The following C2orf49 variants were observed in gnomAD, a reference collection of about 807,000 sequenced individuals.
The protein encoded by C2orf49 is tRNA-splicing ligase complex subunit ASW.
A neutral mutation model predicts 20.6 loss-of-function variants in C2orf49; 11 were observed. That is an observed-to-expected ratio of 0.53 (90% confidence interval 0.34 to 0.88). The LOEUF (loss-of-function observed/expected upper bound fraction) is 0.88, where lower values mean the gene tolerates loss of function less well. C2orf49 is among the 40% of genes least tolerant of loss of function. The pLI, the probability that C2orf49 is intolerant of heterozygous loss-of-function variation, is 0.02. For missense variants in C2orf49, 289 were observed against 274.2 expected, an observed-to-expected ratio of 1.05 and a Z score of -0.38; for synonymous variants, 134 against 108.5, an observed-to-expected ratio of 1.24 and a Z score of -1.46.
chr2:105,342,709 A>C (rs1235662286), intron 2 of C2orf49, 139 bp from the exon 3 acceptor site: 1 of 775,778 alleles, frequency 1.3e-6, no homozygotes, highest in Non-Finnish European at 2.0e-6. Flanking sequence ...GAATGAACAT[A>C]GAAAATTTCA....
At position 105,343,098 on chromosome 2, in the gene C2orf49, C is replaced by A. The variant is rs1281036698; in HGVS notation, c.517C>A (p.Gln173Lys). The A allele has an allele frequency of 1.2e-6, 2 of 1,614,232 alleles. No individual in the cohort carries two copies. The highest frequency in any genetic ancestry group is 1.1e-5 in the South Asian group (1 of 91,090). ...GGAACACAATAATAATGACGCTAAA[C>A]AGAACCATGACTTAACGCATAGGAA... ...KTEHNNNDAK[Q>K]NHDLTHRKSP... is the part of the protein sequence containing the mutation. Residue 173 changes from glutamine to lysine, a missense_variant, in exon 3 of 4, where the codon CAG (glutamine) becomes AAG (lysine). By Grantham distance (53) the Gln-to-Lys change is moderately conservative. Transcript: ENST00000258457.
the C2orf49 span, chr2:105,373,476 TC>T: frequency 1.2e-3 from 1,728 of 1,474,266 alleles, 22 homozygotes; most frequent in Admixed American, 0.028. Flanking sequence ...TGGAACCAAG[TC>T]AATGTGAACA....
the C2orf49 span, chr2:105,367,844 G>GCAAGC: frequency 8.6e-7 from 1 of 1,166,050 alleles, no homozygotes; most frequent in Non-Finnish European, 1.2e-6. Context: ...TATGACCAGA[G>GCAAGC]CAAGCCACTT....
chr2:105,351,791 A>G (rs542634868), downstream of C2orf49, among the ~76,000 whole-genome samples: 23 of 152,212 alleles, frequency 1.5e-4, no homozygotes, highest in Non-Finnish European at 2.5e-4. Context: ...GGTACTAAGT[A>G]TGCTGATTGC....
chr2:105,355,770 T>TGTGTGTGTGTGTGTGTGTGTG, the C2orf49 span, among the ~76,000 whole-genome samples: 3 of 143,112 alleles, frequency 2.1e-5, no homozygotes, highest in Non-Finnish European at 4.5e-5. Context: ...AGAAAAAATT[T>TGTGTGTGTGTGTGTGTGTGTG]TGTGTGTGTG....
intron 1 of C2orf49, 36 bp from the exon 2 acceptor site, chr2:105,339,547 A>G (rs2104444572): frequency 6.4e-7 from 1 of 1,568,176 alleles, no homozygotes; most frequent in Non-Finnish European, 8.6e-7. Context: ...AATTAAAAAC[A>G]TTGTTTTGAA....
chr2:105,352,036 A>G (rs1048082228), downstream of C2orf49, among the ~76,000 whole-genome samples: 2 of 152,164 alleles, frequency 1.3e-5, no homozygotes, highest in Admixed American at 6.5e-5. Context: ...AGTGAGAAAC[A>G]TGGCTCCTAC....
the C2orf49 span, among the ~76,000 whole-genome samples, chr2:105,371,680 G>A: frequency 6.6e-6 from 1 of 152,044 alleles, no homozygotes; most frequent in Admixed American, 6.6e-5. Flanking sequence ...TCAAAATCCG[G>A]GAAATATGCA....
At chr2:105,340,899 G>A (rs934342133) in intron 2 of C2orf49, among the ~76,000 whole-genome samples, 4 of 152,134 alleles carry the variant, frequency 2.6e-5, no homozygotes, top group African/African-American at 9.7e-5. Flanking sequence ...GAGGGTAGGG[G>A]TAAAGGGGAG....
At chr2:105,365,692 A>T in the C2orf49 span, among the ~76,000 whole-genome samples, 1 of 150,726 alleles carries the variant, frequency 6.6e-6, no homozygotes, top group Non-Finnish European at 1.5e-5. Context: ...AAAAAAAAAA[A>T]TTAGGTGGGT....
the C2orf49 span, among the ~76,000 whole-genome samples, chr2:105,380,485 T>C: frequency 6.6e-6 from 1 of 152,174 alleles, no homozygotes; most frequent in Admixed American, 6.5e-5. Context: ...TGCCTCAGCC[T>C]CCCAAAGTGC....
At chr2:105,380,663 C>T in the C2orf49 span, among the ~76,000 whole-genome samples, 2 of 152,260 alleles carry the variant, frequency 1.3e-5, no homozygotes, top group South Asian at 2.1e-4. Context: ...ACAGAGATAG[C>T]ACTTCGATGC....
the C2orf49 span, among the ~76,000 whole-genome samples, chr2:105,369,213 G>A: frequency 1.3e-5 from 2 of 152,208 alleles, no homozygotes; most frequent in African/African-American, 4.8e-5. Context: ...CAAGCCGACA[G>A]AGGGACTGCC....
chr2:105,356,511 G>C, the C2orf49 span, among the ~76,000 whole-genome samples: 1 of 152,120 alleles, frequency 6.6e-6, no homozygotes, highest in African/African-American at 2.4e-5. Context: ...GAAGTTCAAG[G>C]TTACAGTGAG....
chr2:105,378,011 A>G, the C2orf49 span: 7 of 463,926 alleles, frequency 1.5e-5, no homozygotes, highest in Non-Finnish European at 2.7e-5. Context: ...AGAAAAACTG[A>G]GAGAGAAATC....
chr2:105,384,475 A>T, the C2orf49 span, among the ~76,000 whole-genome samples: 1 of 151,980 alleles, frequency 6.6e-6, no homozygotes, highest in Non-Finnish European at 1.5e-5. Flanking sequence ...TACTAGAAAG[A>T]CCCTATGAAG....
At chr2:105,354,600 A>T in the C2orf49 span, among the ~76,000 whole-genome samples, 1 of 152,102 alleles carries the variant, frequency 6.6e-6, no homozygotes, top group African/African-American at 2.4e-5. Context: ...CTGGAGGCAG[A>T]GGTTGCAGTG....
Position 105,337,612 on chromosome 2 carries a change from A to G in C2orf49, c.25A>G (p.Ser9Gly), listed in dbSNP as rs1679535929. ...CATGGCGGGGGATGTGGGCGGTCGC[A>G]GCTGCACGGACTCGGAACTGCTGCT... The part of the protein sequence containing the change: MAGDVGGR[S>G]CTDSELLLHP... Residue 9 changes from serine to glycine, a missense_variant, in exon 1 of 4, where the codon AGC (serine) becomes GGC (glycine). Transcript: ENST00000258457. 1 of 1,609,884 alleles carries G rather than the reference A, an allele frequency of 6.2e-7. No homozygotes were observed. The highest frequency in any genetic ancestry group is 8.5e-7 in the Non-Finnish European group (1 of 1,178,314).
the C2orf49 span, among the ~76,000 whole-genome samples, chr2:105,383,396 A>T: frequency 6.6e-6 from 1 of 152,198 alleles, no homozygotes; most frequent in African/African-American, 2.4e-5. Flanking sequence ...AATAATCTTT[A>T]CCCTTTGAGA....
Sources: allele counts gnomAD v4.1 joint callset (sites outside exome capture counted in the v4.1 genomes callset), GRCh38; gene constraint gnomAD v4.1.1; transcripts MANE v1.5; gene names NCBI Gene and HGNC (gene_info 2026-07-23, HGNC 2026-07-21).